The following GPRC5B variants were observed in gnomAD, a reference collection of about 807,000 sequenced individuals.
GPRC5B encodes G protein-coupled receptor family C group 5 member B.
GPRC5B carries 16 observed loss-of-function variants against 30.1 expected under a neutral mutation model. The observed-to-expected ratio is 0.53, with a 90% confidence interval of 0.36 to 0.81. The LOEUF is 0.81. GPRC5B is among the 30% of genes least tolerant of loss of function. The probability of loss-of-function intolerance (pLI) is 0.01; values close to 1 mark genes in which losing one functional copy is unlikely to be tolerated. For missense variants in GPRC5B, 428 were observed against 544.7 expected (o/e 0.79, Z 2.13); for synonymous variants, 241 against 239.5 (o/e 1.01, Z -0.06).
In GPRC5B at chr16:19,873,202, T is replaced by C. The variant is rs542012609; in HGVS notation, c.-1-356A>G. On this transcript the variant is annotated intron_variant, in intron 1 of 3. Coordinates refer to ENST00000300571, the MANE Select transcript of GPRC5B (RefSeq NM_016235.3). ...GAGGAAGGCTGGGCGTGGTGGCTCA[T>C]GCTTGTAATCCCAGCAGTTTGGGAG... is the stretch of plus-strand genomic sequence containing the variant. Among the ~76,000 whole-genome samples, 5 of 152,174 alleles carry C rather than the reference T, an allele frequency of 3.3e-5. No individual in the cohort carries two copies. In the East Asian group the frequency reaches 9.7e-4, roughly 29 times the overall value.
chr16:19,857,643 T>C lies in GPRC5B; in HGVS notation c.*2857A>G. ...GGATTATAAAAGCCACAATGCTCCC[T>C]TTCAACTTGGGGTTTGGCCTGAGGC... is the stretch of plus-strand genomic sequence containing the variant. On this transcript the variant is annotated 3_prime_UTR_variant, in exon 4 of 4. Coordinates refer to ENST00000300571, the MANE Select transcript of GPRC5B (RefSeq NM_016235.3). 1 of 283,850 alleles carries C rather than the reference T, an allele frequency of 3.5e-6. No homozygotes were observed. Among genetic ancestry groups the C allele is most frequent in the Non-Finnish European group, 6.7e-6 (1 of 150,254 alleles). 17.6% of individuals were successfully genotyped at this position (283,850 alleles called of 1,614,324 possible).
Position 19,875,828 on chromosome 16 carries a change from A to G in GPRC5B, c.-1-2982T>C, listed in dbSNP as rs577819433. Reference sequence around the variant, plus strand: ...ATAAAATCGCTCGTTGATGTAACCCATGTTGCATACCCACTGGGCGCATTT... The same window carrying G: ...ATAAAATCGCTCGTTGATGTAACCCGTGTTGCATACCCACTGGGCGCATTT... On this transcript the variant is annotated intron_variant, in intron 1 of 3. Transcript: ENST00000300571. 2.0e-5 allele frequency among the ~76,000 whole-genome samples: 3 copies of G among 152,268 alleles called. No individual in the cohort carries two copies. The East Asian group carries it at 5.8e-4, about 29-fold the overall frequency.
intron 2 of GPRC5B, among the ~76,000 whole-genome samples, chr16:19,864,091 G>A (rs1567207409): frequency 6.6e-6 from 1 of 152,086 alleles, no homozygotes; most frequent in African/African-American, 2.4e-5. Context: ...AGAGACAAAG[G>A]CAAGCCAGGC....
rs1032907984 is a variant in GPRC5B at position 19,857,274 on chromosome 16, T to C, written c.*3226A>G. 3.0e-6 allele frequency: 1 copy of C among 329,270 alleles called. No individual in the cohort carries two copies. Among genetic ancestry groups the C allele is most frequent in the Non-Finnish European group, 5.7e-6 (1 of 174,954 alleles). The allele number at this position is 329,270 out of a possible 1,614,324, so 20.4% of individuals were successfully genotyped here. A position where few individuals can be genotyped will look rare whatever the true frequency, so the allele number is the denominator to read the frequency against. ...TAGTAGTTAGTTGCACTGGGTTGTT[T>C]TGACAAGCTACCACACGTCTTAAGT... On this transcript the variant is annotated 3_prime_UTR_variant, in exon 4 of 4. Coordinates refer to ENST00000300571, the MANE Select transcript of GPRC5B (RefSeq NM_016235.3).
At position 19,884,775 on chromosome 16, in the gene GPRC5B, G is replaced by A. The variant is rs1011578894; in HGVS notation, c.-50C>T. 6.1e-6 allele frequency: 6 copies of A among 984,556 alleles called. No individual in the cohort carries two copies. The African/African-American group carries it at 8.7e-5, about 14-fold the overall frequency. The allele number at this position is 984,556 out of a possible 1,614,324, so 61.0% of individuals were successfully genotyped here. On this transcript the variant is annotated 5_prime_UTR_variant, in exon 1 of 4. Coordinates refer to ENST00000300571, the MANE Select transcript of GPRC5B (RefSeq NM_016235.3). ...CGACGCTCCAGCTGGCCTTCGGCCC[G>A]AGTCACATCTCTGCGGCGCGGCCGC...
chr16:19,885,167 C>G (rs748411712), upstream of GPRC5B: 7 of 1,264,456 alleles, frequency 5.5e-6, no homozygotes, highest in South Asian at 7.5e-5. This position sits in a 1 kb window ranked among gnomAD's most constrained non-coding sequence, Gnocchi z 5.3. Flanking sequence ...AGGGTAGATC[C>G]ATTTGCGGGA....
upstream of GPRC5B, chr16:19,885,083 C>T: frequency 1.3e-6 from 1 of 783,884 alleles, no homozygotes; most frequent in South Asian, 1.5e-5. This position sits in a 1 kb window ranked among gnomAD's most constrained non-coding sequence, Gnocchi z 5.3. Flanking sequence ...CGACCTCGTG[C>T]CCCCAATTCG....
chr16:19,871,281 C>CAAAAAAAAAAAAAAAAAAAAAA (rs71375667), intron 2 of GPRC5B, among the ~76,000 whole-genome samples: 8 of 70,354 alleles, frequency 1.1e-4, no homozygotes, highest in Admixed American at 1.7e-4. Context: ...GACCCTGTCT[C>CAAAAAAAAAAAAAAAAAAAAAA]AAAAAAAAAA....
At chr16:19,863,317 G>A (rs1269083016) in intron 2 of GPRC5B, among the ~76,000 whole-genome samples, 5 of 151,430 alleles carry the variant, frequency 3.3e-5, no homozygotes, top group Admixed American at 6.6e-5. Flanking sequence ...GCCACCATGC[G>A]TGGCTAATTT....
chr16:19,878,131 G>A (rs1196504802), intron 1 of GPRC5B, among the ~76,000 whole-genome samples: 2 of 151,462 alleles, frequency 1.3e-5, no homozygotes, highest in Non-Finnish European at 2.9e-5. Flanking sequence ...CCCAGGAGGC[G>A]GAGGTTGCAG....
At chr16:19,876,151 C>T (rs1292641) in intron 1 of GPRC5B, among the ~76,000 whole-genome samples, 20,053 of 152,270 alleles carry the variant, frequency 0.13, 1,666 homozygotes, top group Non-Finnish European at 0.18. Flanking sequence ...GCAGTCCTCA[C>T]TACCACCGAT....
rs558617275 is a variant in GPRC5B at position 19,872,362 on chromosome 16, G to C, written c.484C>G (p.Leu162Val). 6.2e-7 allele frequency: 1 copy of C among 1,613,644 alleles called. No homozygotes were observed. The highest frequency in any genetic ancestry group is 1.1e-5 in the South Asian group (1 of 91,048). ...RHGTGPAGWQLVGLALCLMLV... is the reference protein window; with the variant it reads ...RHGTGPAGWQVVGLALCLMLV... Reference sequence around the variant, plus strand: ...ATCAGGCACAGCGCCAGGCCCACCAGCTGCCAGCCCGCGGGGCCCGTGCCA... The same window carrying C: ...ATCAGGCACAGCGCCAGGCCCACCACCTGCCAGCCCGCGGGGCCCGTGCCA... Residue 162 changes from leucine to valine, a missense_variant, in exon 2 of 4, where the codon CTG becomes GTG. Leu to Val is a conservative substitution (Grantham distance 32, BLOSUM62 1). This residue lies in a region of GPRC5B where 196 missense variants were observed against 272.6 expected (regional missense o/e 0.72). Transcript: ENST00000300571. This position sits in a 1 kb window ranked among gnomAD's most constrained non-coding sequence, Gnocchi z 5.0.
At chr16:19,877,655 C>T (rs549649594) in intron 1 of GPRC5B, among the ~76,000 whole-genome samples, 19 of 152,274 alleles carry the variant, frequency 1.2e-4, no homozygotes, top group South Asian at 2.1e-4. Flanking sequence ...CTGTGTACTT[C>T]GCGTATATTA....
rs1036502420 is a variant in GPRC5B, at chr16:19,860,422, G to A, written c.*78C>T. 13 of 917,002 alleles carry A rather than the reference G, an allele frequency of 1.4e-5. No individual in the cohort carries two copies. Among genetic ancestry groups the A allele is most frequent in the African/African-American group, 6.6e-5 (4 of 60,778 alleles). 56.8% of individuals were successfully genotyped at this position (917,002 alleles called of 1,614,324 possible). A position where few individuals can be genotyped will look rare whatever the true frequency, so the allele number is the denominator to read the frequency against. ...GCGGCCTGGTTCGGCAACTGTTACC[G>A]ATTTCTCCCTCAAGAAAGACACAGC... On this transcript the variant is annotated 3_prime_UTR_variant, in exon 4 of 4. Coordinates refer to ENST00000300571, the MANE Select transcript of GPRC5B (RefSeq NM_016235.3).
rs566023622 is a variant in GPRC5B, at chr16:19,858,250, G to A, written c.*2250C>T. Reference sequence around the variant, plus strand: ...CCGCCTCCGCCCCCATTATGAAGGCGTTCAGCCCACTCTCAACCTTAAAAG... The same window carrying A: ...CCGCCTCCGCCCCCATTATGAAGGCATTCAGCCCACTCTCAACCTTAAAAG... On this transcript the variant is annotated 3_prime_UTR_variant, in exon 4 of 4. Transcript: ENST00000300571. 3 of 381,742 alleles carry A rather than the reference G, an allele frequency of 7.9e-6. No homozygotes were observed. The highest frequency in any genetic ancestry group is 5.9e-4 in the Middle Eastern group (1 of 1,696). The allele number at this position is 381,742 out of a possible 1,614,324, so 23.6% of individuals were successfully genotyped here.
At chr16:19,862,978 T>TTTTG (rs1211820261) in intron 2 of GPRC5B, among the ~76,000 whole-genome samples, 2 of 152,172 alleles carry the variant, frequency 1.3e-5, no homozygotes, top group African/African-American at 2.4e-5. Flanking sequence ...TTGTTTTTGC[T>TTTTG]TTTGTTTGTT....
chr16:19,880,694 C>A (rs1246464835), intron 1 of GPRC5B, among the ~76,000 whole-genome samples: 1 of 152,148 alleles, frequency 6.6e-6, no homozygotes, highest in African/African-American at 2.4e-5. Context: ...CCTTGGGGTG[C>A]CCTGAAACCA....
chr16:19,870,306 G>GACC (rs2056705332), intron 2 of GPRC5B, among the ~76,000 whole-genome samples: 1 of 152,104 alleles, frequency 6.6e-6, no homozygotes, highest in Non-Finnish European at 1.5e-5. Context: ...CCCTTGCAGG[G>GACC]ACCACTTCCC....
rs914836046 is a variant in GPRC5B at position 19,856,822 on chromosome 16, C to G, written c.*3678G>C. ...GTGCCTCAGGAGTATTCTTCTACAC[C>G]AGCTGCTGTTAAAATGTACAATGAA... On this transcript the variant is annotated 3_prime_UTR_variant, in exon 4 of 4. Transcript: ENST00000300571. The G allele has an allele frequency of 2.6e-6, 1 of 382,816 alleles. No homozygotes were observed. The highest frequency in any genetic ancestry group is 4.7e-6 in the Non-Finnish European group (1 of 212,950). The allele number at this position is 382,816 out of a possible 1,614,324, so 23.7% of individuals were successfully genotyped here.
Sources: gnomAD v4.1 joint callset for allele counts (sites outside exome capture counted in the v4.1 genomes callset) on GRCh38, gnomAD v4.1.1 for gene constraint, gnomAD v4.1.1 regional missense constraint, Gnocchi (gnomAD v3.1) non-coding constraint, MANE v1.5 for transcripts, NCBI Gene and HGNC (gene_info 2026-07-23, HGNC 2026-07-21) for gene names.